The following TRIM49C variants were observed in gnomAD, a reference collection of about 807,000 sequenced individuals.
TRIM49C encodes the protein tripartite motif-containing protein 49C.
A neutral mutation model predicts 21.4 loss-of-function variants in TRIM49C; 6 were observed. The ratio of observed to expected loss-of-function variants is 0.28; its 90% CI spans 0.15 to 0.55. The LOEUF (loss-of-function observed/expected upper bound fraction) is 0.55. TRIM49C is among the 20% of genes least tolerant of loss of function. The pLI, the probability that TRIM49C is intolerant of heterozygous loss-of-function variation, is 0.94. For missense variants in TRIM49C, 161 were observed against 442.4 expected, an observed-to-expected ratio of 0.36 and a Z score of 5.71; for synonymous variants, 57 against 148.1, an observed-to-expected ratio of 0.38 and a Z score of 4.47.
downstream of TRIM49C, among the ~76,000 whole-genome samples, chr11:90,042,357 C>T (rs1950776549): frequency 1.5e-5 from 2 of 132,472 alleles, 1 homozygote; most frequent in Non-Finnish European, 3.2e-5. Context: ...AAACATTATG[C>T]AAACCAGTAG....
In TRIM49C at chr11:90,033,977, A is replaced by G. The variant is rs1590914172; in HGVS notation, c.-4-1231A>G. Among the ~76,000 whole-genome samples, 4 of 130,238 alleles carry G rather than the reference A, an allele frequency of 3.1e-5. 2 individuals carry two copies. In the Admixed American group the frequency reaches 3.6e-4, roughly 12 times the overall value. 85.4% of individuals were successfully genotyped at this position (130,238 alleles called of 152,430 possible). A position where few individuals can be genotyped will look rare whatever the true frequency, so the allele number is the denominator to read the frequency against. On this transcript the variant is annotated intron_variant, in intron 2 of 7. Coordinates refer to ENST00000448984, the MANE Select transcript of TRIM49C (RefSeq NM_001195234.1). The stretch of plus-strand genomic sequence containing the variant: ...AAAAACAAAAAAAAAAACTAAAAAC[A>G]CCTGACATATTTCTCAGAACATACA...
At chr11:90,040,849 C>CAA (rs530845863) in intron 7 of TRIM49C, among the ~76,000 whole-genome samples, 42,357 of 129,044 alleles carry the variant, frequency 0.33, 2,543 homozygotes, top group East Asian at 0.41. Context: ...TGTAAGTTTT[C>CAA]AAAAAAAAAA....
intron 2 of TRIM49C, among the ~76,000 whole-genome samples, chr11:90,033,149 T>C (rs1363605273): frequency 1.5e-5 from 2 of 135,562 alleles, no homozygotes; most frequent in Admixed American, 1.7e-4. Flanking sequence ...GTCTCAATCT[T>C]ATTAAACTGT....
the TRIM49C span, among the ~76,000 whole-genome samples, chr11:90,069,904 T>C: frequency 1.8e-5 from 2 of 112,988 alleles, no homozygotes; most frequent in Non-Finnish European, 3.6e-5. Flanking sequence ...TTTCTCAGTA[T>C]CAGAGGAGGG....
In TRIM49C at chr11:90,041,523, G is replaced by A; in HGVS notation, c.1332G>A (p.Arg444=). The A allele has an allele frequency of 7.0e-7, 1 of 1,434,694 alleles. No individual in the cohort carries two copies. Among genetic ancestry groups the A allele is most frequent in the Non-Finnish European group, 9.4e-7 (1 of 1,069,030 alleles). The allele number at this position is 1,434,694 out of a possible 1,614,324, so 88.9% of individuals were successfully genotyped here. ...IPNCSFSPPL[R]PIFCCIHF is the part of the protein sequence containing the mutation. ...ATTGCTCTTTCTCACCTCCTCTCAGGCCTATCTTTTGCTGTATTCACTTCT... is the reference window on the plus strand; with the variant it reads ...ATTGCTCTTTCTCACCTCCTCTCAGACCTATCTTTTGCTGTATTCACTTCT... The change falls in exon 8 of 8, where the codon AGG becomes AGA. Residue 444 remains arginine, a synonymous_variant. Transcript: ENST00000448984.
At chr11:90,049,142 G>A in the TRIM49C span, among the ~76,000 whole-genome samples, 210 of 123,372 alleles carry the variant, frequency 1.7e-3, 48 homozygotes, top group Non-Finnish European at 2.6e-3. Context: ...GTCTCAGAGG[G>A]GTAAGTGGCC....
At chr11:90,065,960 G>T in the TRIM49C span, among the ~76,000 whole-genome samples, 3 of 108,588 alleles carry the variant, frequency 2.8e-5, 1 homozygote, top group Non-Finnish European at 5.9e-5. Flanking sequence ...TGTCTCAAAA[G>T]AAAAAAAAAA....
chr11:90,039,096 T>A (rs1354712079), intron 6 of TRIM49C, among the ~76,000 whole-genome samples: 1 of 134,476 alleles, frequency 7.4e-6, no homozygotes, highest in African/African-American at 2.7e-5. Context: ...ATTTTTTGTA[T>A]TTTTAGTAGA....
the TRIM49C span, chr11:90,061,898 C>A: frequency 6.2e-6 from 2 of 324,892 alleles, no homozygotes; most frequent in Non-Finnish European, 9.8e-6. Flanking sequence ...TTGAATTTAG[C>A]TAAAAAGTAT....
rs1314021456 is a variant in TRIM49C, at chr11:90,038,581, A to G, written c.739-112A>G. On this transcript the variant is annotated intron_variant, in intron 5 of 7. Coordinates refer to ENST00000448984, the MANE Select transcript of TRIM49C (RefSeq NM_001195234.1). ...AATAGAAAATACTTTCCAGAAGAGA[A>G]GATGGTAGGGAAATAATATCTTCAG... 37 of 1,183,918 alleles carry G rather than the reference A, an allele frequency of 3.1e-5. 3 individuals are homozygous for G. Among genetic ancestry groups the G allele is most frequent in the East Asian group, 6.3e-5 (2 of 31,618 alleles). 73.3% of individuals were successfully genotyped at this position (1,183,918 alleles called of 1,614,324 possible).
chr11:90,068,861 C>A, the TRIM49C span, among the ~76,000 whole-genome samples: 1 of 114,578 alleles, frequency 8.7e-6, no homozygotes, highest in Middle Eastern at 3.6e-3. Flanking sequence ...TGGGTTGTGG[C>A]ATGTCCCTGT....
At position 90,038,679 on chromosome 11, in the gene TRIM49C, T is replaced by C. The variant is rs753509479; in HGVS notation, c.739-14T>C. On this transcript the variant is annotated splice_polypyrimidine_tract_variant and intron_variant, in intron 5 of 7. Coordinates refer to ENST00000448984, the MANE Select transcript of TRIM49C (RefSeq NM_001195234.1). ...TGAAATGCACTAAATCTTTCTTCTT[T>C]TTTTTTTTTTCAGGCTTTTGGAGAC... 80 of 1,027,958 alleles carry C rather than the reference T, an allele frequency of 7.8e-5. 4 individuals carry two copies. The highest frequency in any genetic ancestry group is 9.8e-5 in the Non-Finnish European group (75 of 763,222). 63.7% of individuals were successfully genotyped at this position (1,027,958 alleles called of 1,614,324 possible). A position where few individuals can be genotyped will look rare whatever the true frequency, so the allele number is the denominator to read the frequency against.
chr11:90,038,963 A>T (rs1445495887), intron 6 of TRIM49C, among the ~76,000 whole-genome samples: 1 of 138,064 alleles, frequency 7.2e-6, no homozygotes, highest in Non-Finnish European at 1.6e-5. Flanking sequence ...TCTGTCGCCC[A>T]GGCTGGAGTG....
the TRIM49C span, among the ~76,000 whole-genome samples, chr11:90,067,875 C>A: frequency 1.5e-5 from 2 of 136,322 alleles, 1 homozygote; most frequent in African/African-American, 5.2e-5. Context: ...TCATCATTTT[C>A]ATGTTGAGTA....
the TRIM49C span, among the ~76,000 whole-genome samples, chr11:90,063,531 G>A: frequency 4.2e-5 from 6 of 141,790 alleles, no homozygotes; most frequent in South Asian, 9.8e-4. Context: ...GTGAAATCTC[G>A]TTTCTACTAA....
the TRIM49C span, among the ~76,000 whole-genome samples, chr11:90,056,154 G>T: frequency 7.4e-6 from 1 of 135,798 alleles, no homozygotes; most frequent in Non-Finnish European, 1.6e-5. Context: ...TAGAGACGGG[G>T]TTTCACCGTG....
downstream of TRIM49C, among the ~76,000 whole-genome samples, chr11:90,045,707 C>T (rs618280): frequency 4.1e-5 from 4 of 98,216 alleles, no homozygotes; most frequent in Non-Finnish European, 5.8e-5. Flanking sequence ...AACATACAAT[C>T]GTGTCATCTG....
chr11:90,073,225 T>C, the TRIM49C span: 2 of 891,890 alleles, frequency 2.2e-6, no homozygotes, highest in Non-Finnish European at 3.5e-6. Flanking sequence ...CCCCAATGTT[T>C]CCTCACTATG....
At chr11:90,037,203 A>G (rs1223671770) in intron 4 of TRIM49C, among the ~76,000 whole-genome samples, 1 of 135,814 alleles carries the variant, frequency 7.4e-6, no homozygotes, top group Non-Finnish European at 1.6e-5. Context: ...ACCACAAAGA[A>G]GTCTATGTTT....
Sources: allele counts gnomAD v4.1 joint callset (sites outside exome capture counted in the v4.1 genomes callset), GRCh38; gene constraint gnomAD v4.1.1; transcripts MANE v1.5; gene names NCBI Gene and HGNC (gene_info 2026-07-23, HGNC 2026-07-21).